Variants in VPS13B observed in about 807,000 individuals in gnomAD.
VPS13B encodes intermembrane lipid transfer protein VPS13B.
In VPS13B, 285 loss-of-function variants were observed where a neutral mutation model predicts 426.4. The ratio of observed to expected loss-of-function variants is 0.67; its 90% CI spans 0.61 to 0.74. The LOEUF is 0.74. Among genes scored for constraint, VPS13B ranks in the 30% least tolerant of loss-of-function variants. The pLI, the probability that VPS13B is intolerant of heterozygous loss-of-function variation, is 0.00. For missense variants in VPS13B, 4,537 were observed against 4,782.6 expected, an observed-to-expected ratio of 0.95 and a Z score of 1.51; for synonymous variants, 1,676 against 1,676.4, an observed-to-expected ratio of 1.00 and a Z score of 0.01.
chr8:99,617,300 GTTAT>G (rs749089533), intron 33 of VPS13B, among the ~76,000 whole-genome samples: 1 of 152,202 alleles, frequency 6.6e-6, no homozygotes, highest in African/African-American at 2.4e-5. Context: ...TAGGTTTTGG[GTTAT>G]TTGTTTGGGG....
At chr8:99,461,927 C>T (rs1434696686) in intron 23 of VPS13B, among the ~76,000 whole-genome samples, 7 of 152,074 alleles carry the variant, frequency 4.6e-5, no homozygotes, top group Non-Finnish European at 8.8e-5. Flanking sequence ...ACAATGAGTA[C>T]GTATTGCTCA....
At chr8:99,271,198 T>G (rs764238644) in intron 17 of VPS13B, among the ~76,000 whole-genome samples, 1 of 24,750 alleles carries the variant, frequency 4.0e-5, no homozygotes, top group Non-Finnish European at 1.2e-4. Context: ...TACCACTAAC[T>G]ACTACTACTA....
intron 17 of VPS13B, among the ~76,000 whole-genome samples, chr8:99,243,231 A>G (rs1176763993): frequency 6.6e-6 from 1 of 152,224 alleles, no homozygotes; most frequent in Non-Finnish European, 1.5e-5. Flanking sequence ...TTCCAAAATG[A>G]AAGGCAGTAT....
chr8:99,187,641 A>G (rs1041719636), intron 16 of VPS13B, among the ~76,000 whole-genome samples: 1 of 152,102 alleles, frequency 6.6e-6, no homozygotes, highest in East Asian at 1.9e-4. Context: ...TTATTGGGCA[A>G]CTGTGTATTT....
At position 99,111,221 on chromosome 8, in the gene VPS13B, G is replaced by T. The variant is rs1459648775; in HGVS notation, c.704G>T (p.Arg235Ile). The T allele has an allele frequency of 4.4e-6, 7 of 1,602,364 alleles. No individual in the cohort carries two copies. The highest frequency in any genetic ancestry group is 6.0e-6 in the Non-Finnish European group (7 of 1,175,364). The change falls in exon 6 of 62, where the codon AGA (arginine) becomes ATA (isoleucine). Residue 235 changes from arginine to isoleucine, a missense_variant. Arg to Ile is a moderately conservative substitution (Grantham distance 97, BLOSUM62 -3). Around this residue, in one of 2 missense-constraint regions of VPS13B, gnomAD observed 226 missense variants for 308.3 expected, o/e 0.73. Transcript: ENST00000357162. ...QDPLLYKCSF[R>I]TRLHFTYENL... ...CCTTTATTATACAAATGTTCCTTCA[G>T]AACTCGTCTTCATTTTACATATGAA...
chr8:99,853,558 C>A lies in VPS13B; in HGVS notation c.10169C>A (p.Thr3390Lys). ...GCATCAGCTGAGCTTCTGAGACTCACACTGGACAACATTTTTCTCTGTGTG... is the reference window on the plus strand; with the variant it reads ...GCATCAGCTGAGCTTCTGAGACTCAAACTGGACAACATTTTTCTCTGTGTG... ...HKASAELLRL[T>K]LDNIFLCVAP... is the part of the protein sequence containing the mutation. The change falls in exon 56 of 62, where the codon ACA becomes AAA. Residue 3390 changes from threonine to lysine, a missense_variant. By Grantham distance (78) the Thr-to-Lys change is moderately conservative. This residue lies in a region of VPS13B where 4,311 missense variants were observed against 4,474.3 expected (regional missense o/e 0.96). Transcript: ENST00000357162. 1 of 1,614,206 alleles carries A rather than the reference C, an allele frequency of 6.2e-7. No homozygotes were observed. The highest frequency in any genetic ancestry group is 1.1e-5 in the South Asian group (1 of 91,076).
rs542840006 is a variant in VPS13B, at chr8:99,819,495, G to T, written c.8705G>T (p.Gly2902Val). 1 of 1,613,718 alleles carries T rather than the reference G, an allele frequency of 6.2e-7. No homozygotes were observed. The highest frequency in any genetic ancestry group is 1.7e-5 in the Admixed American group (1 of 59,966). Reference protein sequence around the residue: ...KQIATKVHPGGTVNQILDEFY... With the variant: ...KQIATKVHPGVTVNQILDEFY... ...ATAGCCACTAAGGTACACCCTGGAG[G>T]CACAGTTAATCAGATCCTTGACGAA... The change falls in exon 48 of 62, where the codon GGC becomes GTC. Residue 2902 changes from glycine (G) to valine (V), a missense_variant. By Grantham distance (109) the Gly-to-Val change is moderately radical. Coordinates refer to ENST00000357162, the MANE Select transcript of VPS13B (RefSeq NM_152564.5).
chr8:99,213,570 C>G (rs753975438), intron 17 of VPS13B, among the ~76,000 whole-genome samples: 4 of 152,166 alleles, frequency 2.6e-5, no homozygotes, highest in African/African-American at 4.8e-5. Context: ...ATAGTCCATA[C>G]ATACTTTTCT....
intron 35 of VPS13B, among the ~76,000 whole-genome samples, chr8:99,675,099 AGCATT>A (rs1830876213): frequency 6.6e-6 from 1 of 152,006 alleles, no homozygotes; most frequent in African/African-American, 2.4e-5. Flanking sequence ...AAAACTCCTT[AGCATT>A]TATTGTAATG....
intron 10 of VPS13B, 92 bp from the exon 11 acceptor site, chr8:99,135,504 C>A: frequency 6.9e-7 from 1 of 1,457,600 alleles, no homozygotes; most frequent in Non-Finnish European, 9.4e-7. Context: ...TTTCTTTTGA[C>A]TAGTAAATGG....
chr8:99,396,247 C>CATAT (rs924547626), intron 21 of VPS13B, among the ~76,000 whole-genome samples: 1 of 151,472 alleles, frequency 6.6e-6, no homozygotes, highest in African/African-American at 2.4e-5. Context: ...TATATGTATA[C>CATAT]ATATATATAT....
chr8:99,786,912 C>G lies in VPS13B; in HGVS notation c.7941+2436C>G, dbSNP rs149093995. ...TCACAGTTGAAAATTCTGCTGTGTT[C>G]TAATGAGAGGCTACATGAGGATCAG... is the stretch of plus-strand genomic sequence containing the variant. On this transcript the variant is annotated intron_variant, in intron 43 of 61. Transcript: ENST00000357162. Among the ~76,000 whole-genome samples the G allele has an allele frequency of 8.5e-5, 13 of 152,226 alleles. No individual in the cohort carries two copies. In the East Asian group the frequency reaches 2.5e-3, roughly 29 times the overall value.
chr8:99,391,094 A>G (rs982786385), intron 20 of VPS13B, among the ~76,000 whole-genome samples: 1 of 152,212 alleles, frequency 6.6e-6, no homozygotes, highest in Non-Finnish European at 1.5e-5. Flanking sequence ...TTGTAAAAGT[A>G]TGTTTCTAAA....
rs569482712 is a variant in VPS13B, at chr8:99,327,694, C to T, written c.2824+52440C>T. Among the ~76,000 whole-genome samples, 18 of 152,278 alleles carry T rather than the reference C, an allele frequency of 1.2e-4. No homozygotes were observed. The South Asian group carries it at 3.7e-3, about 32-fold the overall frequency. ...GTTTATGTATCCCCTGCCCACTTTA[C>T]AGATGACTAACTTACCCTCTATGTT... On this transcript the variant is annotated intron_variant, in intron 19 of 61. Coordinates refer to ENST00000357162, the MANE Select transcript of VPS13B (RefSeq NM_152564.5).
chr8:99,205,788 G>A (rs569294260), intron 17 of VPS13B, among the ~76,000 whole-genome samples: 3 of 152,144 alleles, frequency 2.0e-5, no homozygotes, highest in South Asian at 2.1e-4. Context: ...ATATCATCCC[G>A]CAGCTATTCA....
At chr8:99,394,076 T>C (rs1814602843) in intron 21 of VPS13B, among the ~76,000 whole-genome samples, 1 of 152,118 alleles carries the variant, frequency 6.6e-6, no homozygotes, top group Non-Finnish European at 1.5e-5. Context: ...TTTTTAACCA[T>C]CTTAGCCATT....
At chr8:99,636,599 G>A (rs919309872) in intron 33 of VPS13B, among the ~76,000 whole-genome samples, 2 of 152,010 alleles carry the variant, frequency 1.3e-5, no homozygotes, top group African/African-American at 2.4e-5. Context: ...TAGTTGGAAA[G>A]TACAGGGATT....
intron 20 of VPS13B, among the ~76,000 whole-genome samples, chr8:99,389,394 G>A (rs1003025675): frequency 2.6e-5 from 4 of 151,986 alleles, no homozygotes; most frequent in Middle Eastern, 3.2e-3. Context: ...AAGGGCTAGG[G>A]ACACCAACTC....
At chr8:99,174,465 CTTA>C (rs1812522906) in intron 16 of VPS13B, among the ~76,000 whole-genome samples, 1 of 152,146 alleles carries the variant, frequency 6.6e-6, no homozygotes, top group Admixed American at 6.5e-5. Flanking sequence ...TTCATCAACA[CTTA>C]TTATTTTCTG....
Sources: gnomAD v4.1 joint callset for allele counts (sites outside exome capture counted in the v4.1 genomes callset) on GRCh38, gnomAD v4.1.1 for gene constraint, gnomAD v4.1.1 regional missense constraint, MANE v1.5 for transcripts, NCBI Gene and HGNC (gene_info 2026-07-23, HGNC 2026-07-21) for gene names.